The following BCKDHB variants were observed in gnomAD, a reference collection of about 807,000 sequenced individuals.
The protein encoded by BCKDHB is 2-oxoisovalerate dehydrogenase subunit beta, mitochondrial.
A neutral mutation model predicts 48.5 loss-of-function variants in BCKDHB; 41 were observed. The observed-to-expected ratio is 0.85, with a 90% CI of 0.66 to 1.10. The LOEUF (loss-of-function observed/expected upper bound fraction) is 1.10. Ranked by LOEUF, BCKDHB falls within the 50% of genes least tolerant of loss-of-function variation. The pLI is 0.00. For synonymous variants in BCKDHB, 201 were observed against 174.8 expected (o/e 1.15, Z -1.18); for missense variants, 496 against 494.2 (o/e 1.00, Z -0.03).
intron 9 of BCKDHB, among the ~76,000 whole-genome samples, chr6:80,285,252 C>T (rs546986353): frequency 5.9e-5 from 9 of 152,036 alleles, no homozygotes; most frequent in Non-Finnish European, 1.3e-4. Context: ...TTATTAAAAC[C>T]AGCTTTTCTG....
At chr6:80,205,684 A>C (rs1169741889) in intron 8 of BCKDHB, among the ~76,000 whole-genome samples, 1 of 152,084 alleles carries the variant, frequency 6.6e-6, no homozygotes, top group African/African-American at 2.4e-5. Context: ...TTTCCACTCA[A>C]TTCTGAACTT....
chr6:80,158,777 G>A (rs574938085), intron 3 of BCKDHB, among the ~76,000 whole-genome samples: 1 of 152,314 alleles, frequency 6.6e-6, no homozygotes, highest in Admixed American at 6.5e-5. Flanking sequence ...CCTAAAGGGT[G>A]TGATAGCTGA....
intron 8 of BCKDHB, among the ~76,000 whole-genome samples, chr6:80,235,443 CAAGTT>C (rs1429076453): frequency 6.6e-6 from 1 of 152,132 alleles, no homozygotes; most frequent in East Asian, 1.9e-4. Flanking sequence ...TGTATTTAGA[CAAGTT>C]AAGTAACTAA....
chr6:80,120,832 AG>A (rs1413814441), intron 1 of BCKDHB, among the ~76,000 whole-genome samples: 1 of 152,250 alleles, frequency 6.6e-6, no homozygotes, highest in African/African-American at 2.4e-5. Flanking sequence ...CTCTGATGAT[AG>A]TTTATTTTGC....
the BCKDHB span, among the ~76,000 whole-genome samples, chr6:80,391,947 C>G: frequency 1.3e-5 from 2 of 151,874 alleles, no homozygotes; most frequent in South Asian, 2.1e-4. Flanking sequence ...AAGATTTACC[C>G]CTCTTTATTG....
chr6:80,224,186 G>T (rs1255065318), intron 8 of BCKDHB, among the ~76,000 whole-genome samples: 2 of 152,044 alleles, frequency 1.3e-5, no homozygotes, highest in Admixed American at 6.6e-5. Context: ...CAGTGGCTCC[G>T]TTTAGGGTGC....
At chr6:80,127,083 G>A (rs1315410286) in intron 1 of BCKDHB, among the ~76,000 whole-genome samples, 4 of 152,054 alleles carry the variant, frequency 2.6e-5, no homozygotes, top group East Asian at 1.9e-4. Flanking sequence ...CAGCAGTTCC[G>A]GGTACCAAAG....
chr6:80,316,827 G>A (rs189481082), intron 9 of BCKDHB, among the ~76,000 whole-genome samples: 1 of 152,246 alleles, frequency 6.6e-6, no homozygotes, highest in Non-Finnish European at 1.5e-5. Flanking sequence ...ACCTTGGATC[G>A]CAGTGGAGGG....
intron 9 of BCKDHB, among the ~76,000 whole-genome samples, chr6:80,297,981 T>C (rs191309200): frequency 6.6e-5 from 10 of 152,072 alleles, no homozygotes; most frequent in Non-Finnish European, 1.2e-4. Flanking sequence ...GATTTTTTTT[T>C]TCCCCCAAAA....
chr6:80,300,395 TA>T (rs1318165515), intron 9 of BCKDHB, among the ~76,000 whole-genome samples: 1 of 151,944 alleles, frequency 6.6e-6, no homozygotes, highest in Admixed American at 6.6e-5. Flanking sequence ...TTTAAGTCAA[TA>T]AAAGGAAGGA....
chr6:80,213,625 C>CA (rs769564401), intron 8 of BCKDHB, among the ~76,000 whole-genome samples: 1 of 151,636 alleles, frequency 6.6e-6, no homozygotes, highest in East Asian at 1.9e-4. Flanking sequence ...CTGCCCAAAG[C>CA]AATCTCCTAC....
chr6:80,300,244 G>A (rs960587999), intron 9 of BCKDHB, among the ~76,000 whole-genome samples: 1 of 151,982 alleles, frequency 6.6e-6, no homozygotes, highest in Non-Finnish European at 1.5e-5. Context: ...TAGAGTCAGG[G>A]CTTCACCATG....
At chr6:80,246,939 C>T (rs905249628) in intron 8 of BCKDHB, among the ~76,000 whole-genome samples, 2 of 151,940 alleles carry the variant, frequency 1.3e-5, no homozygotes, top group Non-Finnish European at 2.9e-5. Context: ...AATGTTTAAT[C>T]TCTAGTTAGA....
intron 9 of BCKDHB, among the ~76,000 whole-genome samples, chr6:80,311,677 CAG>C (rs1286697603): frequency 1.3e-5 from 2 of 152,046 alleles, no homozygotes; most frequent in South Asian, 2.1e-4. Context: ...CCATATAAAA[CAG>C]GGAATTTTTT....
At chr6:80,238,844 TGTG>T (rs1255062397) in intron 8 of BCKDHB, among the ~76,000 whole-genome samples, 1 of 152,108 alleles carries the variant, frequency 6.6e-6, no homozygotes, top group Non-Finnish European at 1.5e-5. Flanking sequence ...AGTGAGAACA[TGTG>T]GTGTTTAGTT....
intron 8 of BCKDHB, among the ~76,000 whole-genome samples, chr6:80,247,725 G>A (rs567761904): frequency 8.2e-4 from 125 of 152,316 alleles, no homozygotes; most frequent in Non-Finnish European, 1.4e-3. Context: ...ACAGTGAAGG[G>A]AAATGGTTCT....
At chr6:80,316,576 A>G (rs978236932) in intron 9 of BCKDHB, among the ~76,000 whole-genome samples, 16 of 152,358 alleles carry the variant, frequency 1.1e-4, no homozygotes, top group Non-Finnish European at 1.8e-4. Context: ...CTCTTAATAA[A>G]TGGAGAAAAT....
the BCKDHB span, among the ~76,000 whole-genome samples, chr6:80,382,494 A>G: frequency 6.6e-6 from 1 of 152,136 alleles, no homozygotes; most frequent in South Asian, 2.1e-4. Flanking sequence ...ATGTTATGTG[A>G]CATCAGTTAG....
intron 8 of BCKDHB, among the ~76,000 whole-genome samples, chr6:80,221,026 C>A (rs578199734): frequency 3.9e-5 from 6 of 152,236 alleles, no homozygotes; most frequent in African/African-American, 1.2e-4. Flanking sequence ...AGCCACCGCA[C>A]CTGGCTATTT....
Sources: gnomAD v4.1 joint callset for allele counts (sites outside exome capture counted in the v4.1 genomes callset) on GRCh38, gnomAD v4.1.1 for gene constraint, MANE v1.5 for transcripts, NCBI Gene and HGNC (gene_info 2026-07-23, HGNC 2026-07-21) for gene names.